The following NDUFAF2 variants were observed in gnomAD, a reference collection of about 807,000 sequenced individuals.
The protein encoded by NDUFAF2 is NADH:ubiquinone oxidoreductase complex assembly factor 2.
In NDUFAF2, 13 loss-of-function variants were observed where a neutral mutation model predicts 22.8. That is an observed-to-expected ratio of 0.57 (90% confidence interval 0.37 to 0.91). NDUFAF2 has a LOEUF of 0.91. NDUFAF2 is among the 40% of genes least tolerant of loss of function. The pLI is 0.01. For missense variants in NDUFAF2, 162 were observed against 195.2 expected (o/e 0.83, Z 1.01); for synonymous variants, 53 against 64.2 (o/e 0.83, Z 0.84).
chr5:61,026,417 T>C, intron 1 of NDUFAF2, among the ~76,000 whole-genome samples: 1 of 152,138 alleles, frequency 6.6e-6, no homozygotes, highest in East Asian at 1.9e-4. Context: ...ATGTCCACAT[T>C]TGATATCTAA....
chr5:61,002,100 A>G (rs1751304390), intron 1 of NDUFAF2, among the ~76,000 whole-genome samples: 1 of 152,100 alleles, frequency 6.6e-6, no homozygotes, highest in African/African-American at 2.4e-5. Context: ...CCAGGACAGC[A>G]TTGTCAGAAA....
At chr5:61,015,425 G>T (rs1419766672) in intron 1 of NDUFAF2, among the ~76,000 whole-genome samples, 1 of 152,032 alleles carries the variant, frequency 6.6e-6, no homozygotes, top group African/African-American at 2.4e-5. Context: ...GGGACTACAG[G>T]TGCATGCCAC....
At chr5:61,011,303 C>T (rs923214015) in intron 1 of NDUFAF2, among the ~76,000 whole-genome samples, 1 of 152,086 alleles carries the variant, frequency 6.6e-6, no homozygotes, top group Admixed American at 6.6e-5. Context: ...TCCCTTGTAG[C>T]CAGGCCATGG....
chr5:61,045,747 A>G (rs944688488), intron 1 of NDUFAF2, among the ~76,000 whole-genome samples: 21 of 152,150 alleles, frequency 1.4e-4, no homozygotes, highest in Non-Finnish European at 2.8e-4. Flanking sequence ...TTTTTTAGAT[A>G]TAAGACCTTG....
At chr5:60,960,139 G>C (rs1580068026) in intron 1 of NDUFAF2, among the ~76,000 whole-genome samples, 1 of 152,110 alleles carries the variant, frequency 6.6e-6, no homozygotes, top group East Asian at 1.9e-4. Context: ...GAGTGACTAA[G>C]CTGGGTTATG....
chr5:61,076,390 T>C (rs1752371372), intron 2 of NDUFAF2, among the ~76,000 whole-genome samples: 1 of 152,150 alleles, frequency 6.6e-6, no homozygotes, highest in Non-Finnish European at 1.5e-5. Context: ...CAGTTTTAAA[T>C]AGTGTTCAGA....
intron 1 of NDUFAF2, among the ~76,000 whole-genome samples, chr5:61,046,225 G>A (rs565665752): frequency 6.6e-6 from 1 of 152,146 alleles, no homozygotes; most frequent in East Asian, 1.9e-4. Flanking sequence ...TTAGTATTTT[G>A]TTGAGGAATT....
intron 1 of NDUFAF2, among the ~76,000 whole-genome samples, chr5:61,072,888 C>T (rs1300379093): frequency 6.6e-6 from 1 of 152,212 alleles, no homozygotes; most frequent in Non-Finnish European, 1.5e-5. Context: ...AGGCGTGAGC[C>T]ACTGCGGCTG....
intron 1 of NDUFAF2, among the ~76,000 whole-genome samples, chr5:60,956,604 A>G (rs536531896): frequency 6.6e-6 from 1 of 152,174 alleles, no homozygotes; most frequent in Non-Finnish European, 1.5e-5. Context: ...TGAGATGGTC[A>G]TACAGTTTTT....
At chr5:60,982,904 G>T (rs979243904) in intron 1 of NDUFAF2, among the ~76,000 whole-genome samples, 2 of 151,828 alleles carry the variant, frequency 1.3e-5, no homozygotes, top group African/African-American at 2.4e-5. Flanking sequence ...TAAACCTTTG[G>T]GTATATACCC....
chr5:61,060,863 C>A (rs1423673867), intron 1 of NDUFAF2, among the ~76,000 whole-genome samples: 1 of 152,106 alleles, frequency 6.6e-6, no homozygotes, highest in Non-Finnish European at 1.5e-5. Context: ...AAGAAAATCC[C>A]TCCTCCACGG....
intron 3 of NDUFAF2, among the ~76,000 whole-genome samples, chr5:61,144,633 G>A (rs1741109646): frequency 6.6e-6 from 1 of 152,090 alleles, no homozygotes; most frequent in Non-Finnish European, 1.5e-5. Flanking sequence ...AAAACTCTTT[G>A]GGTAACCTTT....
chr5:61,092,774 C>T (rs914684643), intron 2 of NDUFAF2, among the ~76,000 whole-genome samples: 3 of 152,106 alleles, frequency 2.0e-5, no homozygotes, highest in African/African-American at 7.2e-5. Flanking sequence ...GAGAGGGCAT[C>T]CTTGTCTTGT....
chr5:61,034,217 T>G (rs1469085772), intron 1 of NDUFAF2, among the ~76,000 whole-genome samples: 1 of 152,184 alleles, frequency 6.6e-6, no homozygotes, highest in Non-Finnish European at 1.5e-5. Context: ...TTAGCAATCT[T>G]GATGAGCAGG....
chr5:61,017,631 G>T (rs184462517), intron 1 of NDUFAF2, among the ~76,000 whole-genome samples: 2 of 152,262 alleles, frequency 1.3e-5, no homozygotes, highest in East Asian at 3.9e-4. Flanking sequence ...GGGCAGGGTG[G>T]TATGTGCCTA....
chr5:61,035,025 C>G (rs941542772), intron 1 of NDUFAF2, among the ~76,000 whole-genome samples: 15 of 150,652 alleles, frequency 1.0e-4, no homozygotes, highest in African/African-American at 3.4e-4. Flanking sequence ...ACATTGGGAG[C>G]ATAAACATCT....
intron 3 of NDUFAF2, among the ~76,000 whole-genome samples, chr5:61,101,014 A>T (rs1752698888): frequency 1.3e-5 from 2 of 152,132 alleles, no homozygotes; most frequent in Admixed American, 1.3e-4. Context: ...TCCCTGCCTC[A>T]AGTGAACAAC....
At chr5:60,984,489 A>T (rs911799695) in intron 1 of NDUFAF2, among the ~76,000 whole-genome samples, 1 of 152,066 alleles carries the variant, frequency 6.6e-6, no homozygotes, top group African/African-American at 2.4e-5. Context: ...TTTCAAAGGG[A>T]ATGTTTCCAG....
At chr5:60,970,778 G>A (rs527593078) in intron 1 of NDUFAF2, among the ~76,000 whole-genome samples, 27 of 152,192 alleles carry the variant, frequency 1.8e-4, no homozygotes, top group African/African-American at 6.3e-4. Flanking sequence ...AGATCTTAGA[G>A]GAAAGGCTTT....
Sources: gnomAD v4.1 joint callset for allele counts (sites outside exome capture counted in the v4.1 genomes callset) on GRCh38, gnomAD v4.1.1 for gene constraint, MANE v1.5 for transcripts, NCBI Gene and HGNC (gene_info 2026-07-23, HGNC 2026-07-21) for gene names.